The following CCDC102A variants were observed in gnomAD, a reference collection of about 807,000 sequenced individuals.
CCDC102A encodes the protein coiled-coil domain containing 102A, also known as coiled-coil domain-containing protein 102A.
CCDC102A carries 40 observed loss-of-function variants against 55.5 expected under a neutral mutation model. The ratio of observed to expected loss-of-function variants is 0.72; its 90% confidence interval spans 0.56 to 0.94. The LOEUF is 0.94. Ranked by LOEUF, CCDC102A falls within the 40% of genes least tolerant of loss-of-function variation. The pLI is 0.00. For missense variants in CCDC102A, 779 were observed against 768.6 expected (o/e 1.01, Z -0.16); for synonymous variants, 323 against 339.0 (o/e 0.95, Z 0.52).
At chr16:57,519,723 T>TACTTCATAATTTG (rs2032014194) in intron 4 of CCDC102A, among the ~76,000 whole-genome samples, 1 of 152,240 alleles carries the variant, frequency 6.6e-6, no homozygotes, top group Non-Finnish European at 1.5e-5. Flanking sequence ...TTGAAAAGAC[T>TACTTCATAATTTG]AAAAGAACAG....
rs569247934 is a variant in CCDC102A at position 57,520,238 on chromosome 16, G to A, written c.921+830C>T. Among the ~76,000 whole-genome samples the A allele has an allele frequency of 5.9e-5, 9 of 152,168 alleles. No homozygotes were observed. In the East Asian group the frequency reaches 1.2e-3, roughly 20 times the overall value. ...AGCCACCTGGCCCTCCCTGTTTCCC[G>A]CACACGCTGGGCTTGTTCCTGCCTC... On this transcript the variant is annotated intron_variant, in intron 4 of 8. Coordinates refer to ENST00000258214, the MANE Select transcript of CCDC102A (RefSeq NM_033212.4).
chr16:57,528,420 GGT>G (rs1381832617), intron 2 of CCDC102A, among the ~76,000 whole-genome samples, 171 bp downstream of exon 2: 3 of 152,178 alleles, frequency 2.0e-5, no homozygotes, highest in African/African-American at 7.2e-5. Context: ...TCCACCCTGA[GGT>G]CTCTGGAAGG....
At chr16:57,535,789 G>A (rs560727996) in intron 1 of CCDC102A, among the ~76,000 whole-genome samples, 1 of 152,132 alleles carries the variant, frequency 6.6e-6, no homozygotes, top group African/African-American at 2.4e-5. Context: ...ATGGGGAGAG[G>A]CACTAAAAAG....
At chr16:57,533,765 C>T (rs1187212215) in intron 1 of CCDC102A, among the ~76,000 whole-genome samples, 1 of 152,194 alleles carries the variant, frequency 6.6e-6, no homozygotes, top group African/African-American at 2.4e-5. Flanking sequence ...CACTCACACA[C>T]AGCCCTGGTA....
At chr16:57,533,233 T>A (rs1261621994) in intron 1 of CCDC102A, among the ~76,000 whole-genome samples, 3 of 151,964 alleles carry the variant, frequency 2.0e-5, no homozygotes, top group Non-Finnish European at 2.9e-5. Flanking sequence ...GGAACAGCAC[T>A]CCCACCTTTG....
chr16:57,516,717 A>G lies in CCDC102A; in HGVS notation c.1249-254T>C. On this transcript the variant is annotated intron_variant, in intron 6 of 8. Coordinates refer to ENST00000258214, the MANE Select transcript of CCDC102A (RefSeq NM_033212.4). The surrounding 1 kb of genome is among the most constrained non-coding windows in gnomAD (Gnocchi z 4.4). ...GCTCCGGTTTGGATGTGTAACTTTC[A>G]GATGCTACTGGATCTACCCTGGAGC... is the stretch of plus-strand genomic sequence containing the variant. 1.8e-6 allele frequency: 1 copy of G among 558,140 alleles called. No individual in the cohort carries two copies. The highest frequency in any genetic ancestry group is 1.9e-5 in the African/African-American group (1 of 53,156). 34.6% of individuals were successfully genotyped at this position (558,140 alleles called of 1,614,324 possible). A position where few individuals can be genotyped will look rare whatever the true frequency, so the allele number is the denominator to read the frequency against.
chr16:57,526,216 C>T (rs1428022975), intron 2 of CCDC102A, 89 bp from the exon 3 acceptor site: 2 of 919,042 alleles, frequency 2.2e-6, no homozygotes, highest in African/African-American at 3.4e-5. Context: ...TTGGGCAAGT[C>T]ACACAGTGTC....
intron 1 of CCDC102A, among the ~76,000 whole-genome samples, chr16:57,530,844 T>C (rs748980647): frequency 2.2e-4 from 34 of 151,840 alleles, no homozygotes; most frequent in Non-Finnish European, 4.4e-4. Context: ...CTCCACTCCG[T>C]CTACCTGCTT....
In CCDC102A at chr16:57,516,197, C is replaced by T. The variant is rs2031951566; in HGVS notation, c.1419+96G>A. On this transcript the variant is annotated intron_variant, in intron 7 of 8. Coordinates refer to ENST00000258214, the MANE Select transcript of CCDC102A (RefSeq NM_033212.4). This position sits in a 1 kb window ranked among gnomAD's most constrained non-coding sequence, Gnocchi z 4.4. Reference sequence around the variant, plus strand: ...CTGAGAGACAGGCTTGTGCCAGGCACCAGGGGCTGAGAATGGAGAAGCCAG... The same window carrying T: ...CTGAGAGACAGGCTTGTGCCAGGCATCAGGGGCTGAGAATGGAGAAGCCAG... 2 of 1,293,376 alleles carry T rather than the reference C, an allele frequency of 1.5e-6. No homozygotes were observed. The highest frequency in any genetic ancestry group is 4.8e-5 in the East Asian group (2 of 41,416). 80.1% of individuals were successfully genotyped at this position (1,293,376 alleles called of 1,614,324 possible). A position where few individuals can be genotyped will look rare whatever the true frequency, so the allele number is the denominator to read the frequency against.
intron 2 of CCDC102A, among the ~76,000 whole-genome samples, chr16:57,527,388 G>C (rs2032154679): frequency 6.6e-6 from 1 of 151,400 alleles, no homozygotes; most frequent in African/African-American, 2.4e-5. Context: ...ACCCCAGCAA[G>C]TTGTCACCGG....
In CCDC102A at chr16:57,518,672, C is replaced by G; in HGVS notation, c.991G>C (p.Gly331Arg). 5.0e-6 allele frequency: 8 copies of G among 1,613,840 alleles called. No individual in the cohort carries two copies. Among genetic ancestry groups the G allele is most frequent in the Non-Finnish European group, 6.8e-6 (8 of 1,179,958 alleles). Residue 331 changes from glycine (G) to arginine (R), a missense_variant, in exon 5 of 9, where the codon GGT becomes CGT. Physicochemically the swap from Gly to Arg is moderately radical, Grantham distance 125 (BLOSUM62 -2). Transcript: ENST00000258214. ...TTCCGGTCCATGCTGGAGCGTGCAC[C>G]GAGCTCATCTTCCAGGTCCTCAGAC... ...RMSEDLEDEL[G>R]ARSSMDRKMA...
Position 57,516,162 on chromosome 16 carries a change from TG to T in CCDC102A, c.1419+130del. On this transcript the variant is annotated intron_variant, in intron 7 of 8. Coordinates refer to ENST00000258214, the MANE Select transcript of CCDC102A (RefSeq NM_033212.4). This position sits in a 1 kb window ranked among gnomAD's most constrained non-coding sequence, Gnocchi z 4.4. ...CATCACGCACCTACCCACTCTATCCTGGGCGACTCCTGAGAGACAGGCTTGT... is the reference window on the plus strand; with the variant it reads ...CATCACGCACCTACCCACTCTATCCTGGCGACTCCTGAGAGACAGGCTTGT... The T allele has an allele frequency of 1.2e-6, 1 of 865,972 alleles. No individual in the cohort carries two copies. Among genetic ancestry groups the T allele is most frequent in the Non-Finnish European group, 1.8e-6 (1 of 563,484 alleles). The allele number at this position is 865,972 out of a possible 1,614,324, so 53.6% of individuals were successfully genotyped here.
rs2146697532 is a variant in CCDC102A at position 57,515,337 on chromosome 16, C to G, written c.1523+4G>C. The G allele has an allele frequency of 2.6e-6, 4 of 1,566,134 alleles. No homozygotes were observed. The highest frequency in any genetic ancestry group is 4.5e-5 in the East Asian group (2 of 44,116). ...CCTGTTTCTGTTCCCTGCCCGGGGC[C>G]CACCTGGACTGCAGGTGCTCCAGTT... On this transcript the variant is annotated splice_donor_region_variant and intron_variant, in intron 8 of 8. Transcript: ENST00000258214.
rs2032001631 is a variant in CCDC102A, at chr16:57,518,799, C to G, written c.922-58G>C. ...ACCACCAGGATATAGCCTGGAACCA[C>G]CTCCGGGGGTGGGCGCCAGTGCAGG... is the stretch of plus-strand genomic sequence containing the variant. On this transcript the variant is annotated intron_variant, in intron 4 of 8. Transcript: ENST00000258214. 6 of 1,397,826 alleles carry G rather than the reference C, an allele frequency of 4.3e-6. No individual in the cohort carries two copies. In the Admixed American group the frequency reaches 1.2e-4, roughly 27 times the overall value. The allele number at this position is 1,397,826 out of a possible 1,614,324, so 86.6% of individuals were successfully genotyped here.
At chr16:57,523,327 G>A (rs1390209232) in intron 3 of CCDC102A, among the ~76,000 whole-genome samples, 1 of 152,144 alleles carries the variant, frequency 6.6e-6, no homozygotes, top group Non-Finnish European at 1.5e-5. Context: ...GGTTCTCTGA[G>A]GGCTGCGAGA....
At chr16:57,534,840 C>T (rs748490831) in intron 1 of CCDC102A, among the ~76,000 whole-genome samples, 13 of 152,162 alleles carry the variant, frequency 8.5e-5, no homozygotes, top group Non-Finnish European at 1.6e-4. Context: ...ACGGCCAAGT[C>T]GGCTGTCCCA....
chr16:57,533,896 A>C (rs748530881), intron 1 of CCDC102A, among the ~76,000 whole-genome samples: 8 of 152,124 alleles, frequency 5.3e-5, no homozygotes, highest in Non-Finnish European at 1.2e-4. Flanking sequence ...TGGGGTGTCT[A>C]TGTGCGTGGG....
chr16:57,526,434 A>G (rs2032143748), intron 2 of CCDC102A, among the ~76,000 whole-genome samples: 2 of 152,192 alleles, frequency 1.3e-5, no homozygotes, highest in South Asian at 4.1e-4. Context: ...CGATGGGAAC[A>G]AATGTTGAAG....
chr16:57,515,520 C>A (rs1330526962), intron 7 of CCDC102A, 76 bp from the exon 8 acceptor site: 3 of 871,102 alleles, frequency 3.4e-6, no homozygotes, highest in East Asian at 2.6e-5. Flanking sequence ...CCAGGGAAAA[C>A]CACTCCTGCT....
Sources: gnomAD v4.1 joint callset for allele counts (sites outside exome capture counted in the v4.1 genomes callset) on GRCh38, gnomAD v4.1.1 for gene constraint, Gnocchi (gnomAD v3.1) non-coding constraint, MANE v1.5 for transcripts, NCBI Gene and HGNC (gene_info 2026-07-23, HGNC 2026-07-21) for gene names.